The following FAM156A variants were observed in gnomAD, a reference collection of about 807,000 sequenced individuals.
FAM156A encodes the protein family with sequence similarity 156 member A.
intron 1 of FAM156A, among the ~76,000 whole-genome samples, chrX:52,974,359 C>T (rs1232596910): frequency 8.9e-6 from 1 of 112,154 alleles, no homozygotes; most frequent in East Asian, 2.8e-4. Context: ...TGACCATTAT[C>T]CTACAATTTG....
At chrX:52,980,782 C>CTG (rs1156303085) in intron 1 of FAM156A, among the ~76,000 whole-genome samples, 1,875 of 38,427 alleles carry the variant, frequency 0.049, 113 homozygotes, top group Non-Finnish European at 0.054. Flanking sequence ...TAGGGTTCCT[C>CTG]TGTGTGTGTG....
At chrX:52,986,551 A>G (rs1346311796) in intron 1 of FAM156A, among the ~76,000 whole-genome samples, 1 of 111,432 alleles carries the variant, frequency 9.0e-6, no homozygotes, top group Non-Finnish European at 1.9e-5. Context: ...AAATGTGTCA[A>G]TGCAATCTAC....
intron 1 of FAM156A, among the ~76,000 whole-genome samples, chrX:52,980,851 T>TGTGTGTGTGTGTGG (rs1356126923): frequency 4.5e-5 from 2 of 43,960 alleles, no homozygotes; most frequent in Non-Finnish European, 8.9e-5. Flanking sequence ...TGTGTGTGTG[T>TGTGTGTGTGTGTGG]AGAGGGAGAG....
chrX:52,992,370 G>A (rs1930839218), intron 1 of FAM156A, among the ~76,000 whole-genome samples: 2 of 111,835 alleles, frequency 1.8e-5, no homozygotes, highest in South Asian at 3.7e-4. Context: ...GGCGTCAGGA[G>A]CACAGGATAG....
chrX:52,987,284 C>T (rs1930361486), intron 1 of FAM156A, among the ~76,000 whole-genome samples: 2 of 111,895 alleles, frequency 1.8e-5, no homozygotes, highest in African/African-American at 6.5e-5. Context: ...CATGCAATTC[C>T]AATGAAATTC....
chrX:52,975,898 C>T (rs1266077575), intron 1 of FAM156A, among the ~76,000 whole-genome samples: 2 of 111,705 alleles, frequency 1.8e-5, no homozygotes, highest in Non-Finnish European at 3.8e-5. Context: ...TATGGACATG[C>T]GGGTGTTTTG....
At chrX:52,992,158 A>G (rs1371071850) in intron 1 of FAM156A, among the ~76,000 whole-genome samples, 2 of 107,451 alleles carry the variant, frequency 1.9e-5, no homozygotes, top group African/African-American at 6.8e-5. Flanking sequence ...GAGGCTGGTC[A>G]AGGACAGGTG....
chrX:52,983,588 A>T (rs1602053345), intron 1 of FAM156A, among the ~76,000 whole-genome samples: 1 of 111,149 alleles, frequency 9.0e-6, no homozygotes, highest in African/African-American at 3.3e-5. Flanking sequence ...AACTGATATA[A>T]TTTTTTCCCT....
At chrX:52,990,797 G>GAAAAGAAAGA (rs10547016) in intron 1 of FAM156A, among the ~76,000 whole-genome samples, 62 of 69,590 alleles carry the variant, frequency 8.9e-4, no homozygotes, top group African/African-American at 3.4e-3. Flanking sequence ...GAAAAGAAAA[G>GAAAAGAAAGA]AAAGAAAAGA....
chrX:52,994,457 C>G (rs1931022127), intron 1 of FAM156A, among the ~76,000 whole-genome samples: 1 of 111,236 alleles, frequency 9.0e-6, no homozygotes, highest in South Asian at 3.8e-4. Context: ...GATAAAGTCC[C>G]CAGACAAATC....
At chrX:52,992,531 G>A (rs1394424271) in intron 1 of FAM156A, among the ~76,000 whole-genome samples, 3 of 111,168 alleles carry the variant, frequency 2.7e-5, no homozygotes, top group Admixed American at 1.9e-4. Flanking sequence ...AGGGCACTGC[G>A]AGCCTGTGTG....
chrX:52,991,866 C>T (rs1469951555), intron 1 of FAM156A, among the ~76,000 whole-genome samples: 1 of 109,440 alleles, frequency 9.1e-6, no homozygotes, highest in African/African-American at 3.4e-5. Flanking sequence ...GGTGACTGAC[C>T]AGTTGTCTCA....
At chrX:52,991,889 A>T in intron 1 of FAM156A, among the ~76,000 whole-genome samples, 1 of 108,212 alleles carries the variant, frequency 9.2e-6, no homozygotes, top group Non-Finnish European at 1.9e-5. Flanking sequence ...TCTCCTTCAC[A>T]TAACCCTGTG....
At chrX:52,986,000 T>A (rs1459622064) in intron 1 of FAM156A, among the ~76,000 whole-genome samples, 1 of 110,671 alleles carries the variant, frequency 9.0e-6, no homozygotes, top group Non-Finnish European at 1.9e-5. Context: ...AAGATGGAAT[T>A]TTCTTAATCC....
At chrX:52,962,684 TCA>T (rs1180656743), upstream of FAM156A, among the ~76,000 whole-genome samples, 1 of 93,311 alleles carries the variant, frequency 1.1e-5, no homozygotes, top group African/African-American at 3.9e-5. Context: ...CTTTGCCCTA[TCA>T]CAGAGACACT....
chrX:52,988,526 C>A (rs1161493803), intron 1 of FAM156A, among the ~76,000 whole-genome samples: 2 of 111,702 alleles, frequency 1.8e-5, no homozygotes, highest in African/African-American at 6.5e-5. Context: ...TTATATCTAT[C>A]TATACAGGTG....
intron 1 of FAM156A, among the ~76,000 whole-genome samples, chrX:52,979,774 G>A (rs1236529194): frequency 8.9e-6 from 1 of 112,061 alleles, no homozygotes; most frequent in Non-Finnish European, 1.9e-5. Context: ...CTTATCACAA[G>A]AAAGCAACAC....
chrX:52,976,973 G>T (rs1556792371), intron 1 of FAM156A, among the ~76,000 whole-genome samples: 1 of 109,363 alleles, frequency 9.1e-6, no homozygotes, highest in African/African-American at 3.3e-5. Flanking sequence ...TTGCCTGCAA[G>T]GGCAGGGACA....
intron 1 of FAM156A, among the ~76,000 whole-genome samples, chrX:52,976,173 C>T (rs782799445): frequency 1.8e-5 from 2 of 111,876 alleles, no homozygotes; most frequent in Non-Finnish European, 3.8e-5. Context: ...TGGCCAGGTG[C>T]GGTGGCTCAC....
Sources: gnomAD v4.1 joint callset for allele counts (sites outside exome capture counted in the v4.1 genomes callset) on GRCh38, gnomAD v4.1.1 for gene constraint, MANE v1.5 for transcripts, NCBI Gene and HGNC (gene_info 2026-07-23, HGNC 2026-07-21) for gene names.